The following RNF38 variants were observed in gnomAD, a reference collection of about 807,000 sequenced individuals.
RNF38 encodes the protein E3 ubiquitin-protein ligase RNF38.
In RNF38, 15 loss-of-function variants were observed where a neutral mutation model predicts 67.2. The ratio of observed to expected loss-of-function variants is 0.22; its 90% confidence interval spans 0.15 to 0.34. RNF38 has a LOEUF of 0.34. Ranked by LOEUF, RNF38 falls within the 10% of genes least tolerant of loss-of-function variation. The pLI is 1.00. For synonymous variants in RNF38, 220 were observed against 218.8 expected (o/e 1.01, Z -0.05); for missense variants, 524 against 639.9 (o/e 0.82, Z 1.95).
At chr9:36,426,157 GTTTT>G (rs1164494027) in intron 1 of RNF38, among the ~76,000 whole-genome samples, 2 of 152,046 alleles carry the variant, frequency 1.3e-5, no homozygotes, top group East Asian at 3.9e-4. Context: ...AATCGGATTT[GTTTT>G]GTTTTGTCTT....
intron 1 of RNF38, 88 bp downstream of exon 1, chr9:36,400,009 T>G: frequency 1.7e-6 from 2 of 1,169,644 alleles, no homozygotes; most frequent in Non-Finnish European, 1.3e-6. Context: ...TACATGTGTG[T>G]GTTTCTACTT....
At position 36,369,806 on chromosome 9, in the gene RNF38, G is replaced by A. The variant is rs1835241786; in HGVS notation, c.483C>T (p.Phe161=). The A allele has an allele frequency of 6.2e-7, 1 of 1,613,968 alleles. No homozygotes were observed. The highest frequency in any genetic ancestry group is 8.5e-7 in the Non-Finnish European group (1 of 1,180,024). ...QQQAIEEPRA[F]HPPNVSPRLL... is the part of the protein sequence containing the mutation. ...GACGGGGAGATACATTCGGAGGGTG[G>A]AAGGCTCGAGGCTCCTCTATTGCTT... The change falls in exon 4 of 12, where the codon TTC becomes TTT. Residue 161 remains phenylalanine, a synonymous_variant. Transcript: ENST00000259605.
intron 4 of RNF38, among the ~76,000 whole-genome samples, chr9:36,364,952 G>A (rs1834832365): frequency 6.6e-6 from 1 of 152,198 alleles, no homozygotes. Context: ...ATTTCTTAAA[G>A]AGCTAGAAAG....
intron 1 of RNF38, among the ~76,000 whole-genome samples, chr9:36,447,320 C>A (rs1587152002): frequency 1.3e-5 from 2 of 152,194 alleles, no homozygotes; most frequent in East Asian, 3.9e-4. Context: ...CCAAAAGTTG[C>A]TTGAGAGCAG....
intron 1 of RNF38, among the ~76,000 whole-genome samples, chr9:36,444,864 T>C (rs2134312277): frequency 6.6e-6 from 1 of 152,158 alleles, no homozygotes; most frequent in East Asian, 1.9e-4. Flanking sequence ...ATTAGTGCTC[T>C]TTAGTAACCT....
rs758217174 is a variant in RNF38 at position 36,369,749 on chromosome 9, C to T, written c.540G>A (p.Gln180=). 1 of 1,613,870 alleles carries T rather than the reference C, an allele frequency of 6.2e-7. No homozygotes were observed. The highest frequency in any genetic ancestry group is 2.2e-5 in the East Asian group (1 of 44,872). Reference sequence around the variant, plus strand: ...CATGTATGTCAACCATGACTGCATTCTGCTGGGGTGGATGAGCAGCAGGAT... The same window carrying T: ...CATGTATGTCAACCATGACTGCATTTTGCTGGGGTGGATGAGCAGCAGGAT... ...LLHPAAHPPQ[Q]NAVMVDIHDQ... Residue 180 remains glutamine (Q), a synonymous_variant, in exon 4 of 12, where the codon CAG becomes CAA. Coordinates refer to ENST00000259605, the MANE Select transcript of RNF38 (RefSeq NM_022781.5).
chr9:36,374,936 G>A (rs897412761), intron 3 of RNF38, among the ~76,000 whole-genome samples: 3 of 152,070 alleles, frequency 2.0e-5, no homozygotes, highest in Non-Finnish European at 4.4e-5. Flanking sequence ...TGGGGAGGAG[G>A]GGTTACAAAC....
At chr9:36,385,442 G>C (rs560558325) in intron 2 of RNF38, among the ~76,000 whole-genome samples, 8 of 151,054 alleles carry the variant, frequency 5.3e-5, no homozygotes, top group Admixed American at 1.3e-4. Context: ...GCAATGGCGC[G>C]ATCTCGGCTC....
chr9:36,402,570 C>T (rs1048696091), upstream of RNF38, among the ~76,000 whole-genome samples: 3 of 151,136 alleles, frequency 2.0e-5, no homozygotes, highest in Non-Finnish European at 4.4e-5. Flanking sequence ...TTGGATAGGA[C>T]TATGTGAAGA....
chr9:36,350,188 T>G (rs1021830707), intron 9 of RNF38, among the ~76,000 whole-genome samples: 2 of 152,192 alleles, frequency 1.3e-5, no homozygotes, highest in African/African-American at 4.8e-5. Context: ...CAAAAACTGG[T>G]TGACTGTTGT....
chr9:36,474,170 G>A (rs181631295), intron 1 of RNF38, among the ~76,000 whole-genome samples: 36 of 151,480 alleles, frequency 2.4e-4, no homozygotes, highest in Non-Finnish European at 4.4e-4. Context: ...AAAATTAGCC[G>A]GGCGTGGTGG....
intron 4 of RNF38, among the ~76,000 whole-genome samples, chr9:36,359,519 G>A (rs899527069): frequency 1.3e-5 from 2 of 151,894 alleles, no homozygotes; most frequent in Non-Finnish European, 2.9e-5. Flanking sequence ...CATTAAGTAC[G>A]CACACATTCC....
intron 2 of RNF38, among the ~76,000 whole-genome samples, chr9:36,415,008 T>G (rs189248713): frequency 6.6e-6 from 1 of 152,368 alleles, no homozygotes; most frequent in East Asian, 1.9e-4. Flanking sequence ...GTTAGCCTGA[T>G]GACTGTGTGC....
upstream of RNF38, chr9:36,401,157 A>C: frequency 3.1e-6 from 3 of 982,868 alleles, no homozygotes; most frequent in Non-Finnish European, 3.6e-6. Flanking sequence ...CAGGCTCCGC[A>C]CCGCGCGCCG....
At chr9:36,465,234 T>C (rs79774152) in intron 1 of RNF38, among the ~76,000 whole-genome samples, 278 of 152,342 alleles carry the variant, frequency 1.8e-3, no homozygotes, top group African/African-American at 6.4e-3. Context: ...AGAGTTCCAT[T>C]TGACCCAGTA....
chr9:36,353,865 T>C (rs769982783), intron 6 of RNF38, among the ~76,000 whole-genome samples: 6 of 152,148 alleles, frequency 3.9e-5, no homozygotes, highest in Non-Finnish European at 7.4e-5. Flanking sequence ...TTCAGATAAA[T>C]TACTTAATCT....
At chr9:36,427,205 T>C (rs980741774) in intron 1 of RNF38, among the ~76,000 whole-genome samples, 3 of 152,056 alleles carry the variant, frequency 2.0e-5, no homozygotes, top group African/African-American at 7.2e-5. Context: ...TACTAAGTAA[T>C]TGCAAAAGCA....
intron 3 of RNF38, among the ~76,000 whole-genome samples, chr9:36,371,730 G>A (rs1315640890): frequency 6.6e-6 from 1 of 152,066 alleles, no homozygotes; most frequent in Non-Finnish European, 1.5e-5. Flanking sequence ...GGGATTATAG[G>A]TGGGAGCCAC....
In RNF38 at chr9:36,415,422, G is replaced by T. The variant is rs1838437383; in HGVS notation, n.312+9191C>A. On this transcript the variant is annotated intron_variant and non_coding_transcript_variant, in intron 2 of 3. Transcript: ENST00000488058. Reference sequence around the variant, plus strand: ...CTGGAGATTTTTTTGTCCGTATCTTGTTTTTTTTGTTTTTTTGTTTTTTTC... The same window carrying T: ...CTGGAGATTTTTTTGTCCGTATCTTTTTTTTTTTGTTTTTTTGTTTTTTTC... Among the ~76,000 whole-genome samples, 5 of 151,212 alleles carry T rather than the reference G, an allele frequency of 3.3e-5. No homozygotes were observed. The South Asian group carries it at 1.1e-3, about 32-fold the overall frequency.
Sources: gnomAD v4.1 joint callset for allele counts (sites outside exome capture counted in the v4.1 genomes callset) on GRCh38, gnomAD v4.1.1 for gene constraint, MANE v1.5 for transcripts, NCBI Gene and HGNC (gene_info 2026-07-23, HGNC 2026-07-21) for gene names.